Variants in SYT16 observed in about 807,000 individuals in gnomAD.
The protein encoded by SYT16 is synaptotagmin-16.
Under a neutral mutation model 61.4 loss-of-function variants are expected in SYT16, and 42 were observed. The observed-to-expected ratio is 0.68, with a 90% CI of 0.53 to 0.89. The LOEUF (loss-of-function observed/expected upper bound fraction) is 0.89. Ranked by LOEUF, SYT16 falls within the 40% of genes least tolerant of loss-of-function variation. The pLI, the probability that SYT16 is intolerant of heterozygous loss-of-function variation, is 0.00. For synonymous variants in SYT16, 314 were observed against 302.3 expected (o/e 1.04, Z -0.40); for missense variants, 804 against 807.3 (o/e 1.00, Z 0.05).
chr14:62,090,499 T>A (rs984431809), intron 7 of SYT16, among the ~76,000 whole-genome samples: 2 of 152,148 alleles, frequency 1.3e-5, no homozygotes, highest in Non-Finnish European at 2.9e-5. Flanking sequence ...AATGAACATA[T>A]ATGAGACATA....
chr14:62,009,453 G>A (rs182829544), intron 3 of SYT16, among the ~76,000 whole-genome samples: 19 of 152,156 alleles, frequency 1.2e-4, no homozygotes, highest in Admixed American at 3.9e-4. Flanking sequence ...ATTCATTTTT[G>A]GCTTTTCTAA....
chr14:61,995,716 A>G (rs114317225), intron 2 of SYT16, 160 bp from the exon 3 acceptor site: 119 of 274,640 alleles, frequency 4.3e-4, no homozygotes, highest in African/African-American at 2.2e-3. Flanking sequence ...GAAATAATCT[A>G]CATCTAGACT....
intron 3 of SYT16, among the ~76,000 whole-genome samples, chr14:62,032,371 T>C (rs987948189): frequency 6.6e-6 from 1 of 152,120 alleles, no homozygotes; most frequent in African/African-American, 2.4e-5. Flanking sequence ...GTTAGAATAG[T>C]ATACCATCCT....
intron 3 of SYT16, among the ~76,000 whole-genome samples, chr14:62,054,360 G>GTTTTTTTTTTTTTTTTTT (rs11347339): frequency 8.5e-6 from 1 of 118,298 alleles, no homozygotes; most frequent in African/African-American, 3.4e-5. Context: ...AGTGAAGTGA[G>GTTTTTTTTTTTTTTTTTT]TTTTTTTTTT....
At chr14:62,097,854 G>C (rs2057317202) in intron 7 of SYT16, among the ~76,000 whole-genome samples, 1 of 152,180 alleles carries the variant, frequency 6.6e-6, no homozygotes, top group Middle Eastern at 3.2e-3. Context: ...TGCTATACCT[G>C]GCAGCACAAT....
At chr14:62,060,791 A>G (rs1280627779) in intron 3 of SYT16, among the ~76,000 whole-genome samples, 2 of 151,886 alleles carry the variant, frequency 1.3e-5, no homozygotes, top group Non-Finnish European at 2.9e-5. Context: ...CTATACTTGT[A>G]ATGTCTTTGT....
At chr14:62,029,913 T>C (rs1310841388) in intron 3 of SYT16, among the ~76,000 whole-genome samples, 6 of 152,328 alleles carry the variant, frequency 3.9e-5, no homozygotes, top group African/African-American at 1.2e-4. Flanking sequence ...TTCTGAATCA[T>C]TTTTGCCAAG....
At chr14:62,045,370 A>G (rs1297355048) in intron 3 of SYT16, among the ~76,000 whole-genome samples, 1 of 152,114 alleles carries the variant, frequency 6.6e-6, no homozygotes, top group Non-Finnish European at 1.5e-5. Context: ...GCATCGGGGT[A>G]TGTTAAGTCT....
chr14:62,001,746 A>G (rs117948719), intron 3 of SYT16, among the ~76,000 whole-genome samples: 5,515 of 152,208 alleles, frequency 0.036, 108 homozygotes, highest in Admixed American at 0.043. Flanking sequence ...GTATTATCCC[A>G]CAGCTCTCAG....
intron 1 of SYT16, among the ~76,000 whole-genome samples, chr14:61,915,613 C>T (rs2049093461): frequency 6.6e-6 from 1 of 151,720 alleles, no homozygotes. Context: ...TTAGGTATAC[C>T]TTTTTACTTC....
Position 62,104,225 on chromosome 14 carries a change from A to G in SYT16, c.*3518A>G, listed in dbSNP as rs578117973. On this transcript the variant is annotated 3_prime_UTR_variant, in exon 8 of 8. Coordinates refer to ENST00000683842, the MANE Select transcript of SYT16 (RefSeq NM_001367656.1). ...TTTGCAGCAGAGGACTTAGTATTTT[A>G]AAAACAGAAAAGTAAGTAGGAAAGT... 1 of 152,364 alleles carries G rather than the reference A, an allele frequency of 6.6e-6. No homozygotes were observed. The highest frequency in any genetic ancestry group is 1.9e-4 in the East Asian group (1 of 5,192). 9.4% of individuals were successfully genotyped at this position (152,364 alleles called of 1,614,324 possible). A position where few individuals can be genotyped will look rare whatever the true frequency, so the allele number is the denominator to read the frequency against.
intron 1 of SYT16, among the ~76,000 whole-genome samples, chr14:61,906,869 C>G (rs1327704443): frequency 6.6e-6 from 1 of 152,024 alleles, no homozygotes; most frequent in East Asian, 1.9e-4. Flanking sequence ...GCCAGGAGCT[C>G]CACAAGGCTC....
chr14:62,090,744 T>C (rs1301046653), intron 7 of SYT16, among the ~76,000 whole-genome samples: 1 of 152,208 alleles, frequency 6.6e-6, no homozygotes, highest in Non-Finnish European at 1.5e-5. Context: ...TATTAGTCTG[T>C]TTTTATGCTG....
At chr14:62,062,714 C>T (rs2140922525) in intron 3 of SYT16, among the ~76,000 whole-genome samples, 1 of 151,858 alleles carries the variant, frequency 6.6e-6, no homozygotes. Flanking sequence ...CTATCCTTAT[C>T]CAACCAACAC....
intron 1 of SYT16, among the ~76,000 whole-genome samples, chr14:61,924,811 C>CT (rs2049469854): frequency 6.6e-6 from 1 of 152,134 alleles, no homozygotes; most frequent in South Asian, 2.1e-4. Flanking sequence ...TAAATTCAGC[C>CT]ACAAGTGACA....
At chr14:62,031,223 C>G (rs565059695) in intron 3 of SYT16, among the ~76,000 whole-genome samples, 2 of 152,276 alleles carry the variant, frequency 1.3e-5, no homozygotes, top group African/African-American at 4.8e-5. Context: ...TGAAACACAA[C>G]CATGCCTTTA....
At chr14:62,066,043 AAG>A (rs1282060878) in intron 3 of SYT16, among the ~76,000 whole-genome samples, 2 of 152,264 alleles carry the variant, frequency 1.3e-5, no homozygotes, top group African/African-American at 4.8e-5. Context: ...TGCTCCATAA[AAG>A]AGAAGATCAG....
intron 1 of SYT16, among the ~76,000 whole-genome samples, chr14:61,904,816 C>T: frequency 6.6e-6 from 1 of 152,178 alleles, no homozygotes; most frequent in East Asian, 1.9e-4. Flanking sequence ...TTTGTCTTTT[C>T]TTCCCTATAT....
chr14:61,874,118 G>A (rs1197674238), intron 1 of SYT16, among the ~76,000 whole-genome samples: 1 of 152,226 alleles, frequency 6.6e-6, no homozygotes, highest in Non-Finnish European at 1.5e-5. Context: ...CGTTATAGAG[G>A]ATGGTGAATA....
Sources: gnomAD v4.1 joint callset for allele counts (sites outside exome capture counted in the v4.1 genomes callset) on GRCh38, gnomAD v4.1.1 for gene constraint, MANE v1.5 for transcripts, NCBI Gene and HGNC (gene_info 2026-07-23, HGNC 2026-07-21) for gene names.